Variants in MATN4 observed in about 807,000 individuals in gnomAD.
MATN4 encodes matrilin-4.
A neutral mutation model predicts 54.6 loss-of-function variants in MATN4; 40 were observed. The observed-to-expected ratio is 0.73, with a 90% CI of 0.57 to 0.95. The LOEUF (loss-of-function observed/expected upper bound fraction) is 0.95. Among genes scored for constraint, MATN4 ranks in the 40% least tolerant of loss-of-function variants. The pLI is 0.00. For synonymous variants in MATN4, 351 were observed against 345.3 expected (o/e 1.02, Z -0.18); for missense variants, 810 against 819.1 (o/e 0.99, Z 0.13).
At chr20:45,299,918 C>T (rs1403020873) in intron 6 of MATN4, among the ~76,000 whole-genome samples, 2 of 145,208 alleles carry the variant, frequency 1.4e-5, no homozygotes, top group South Asian at 2.2e-4. Flanking sequence ...GGGCTTGCTT[C>T]CTGTCTTCAC....
chr20:45,297,527 A>T (rs1457721591), intron 8 of MATN4, among the ~76,000 whole-genome samples: 1 of 152,136 alleles, frequency 6.6e-6, no homozygotes, highest in African/African-American at 2.4e-5. Context: ...AAGTTCAGGG[A>T]TATATGCTGT....
Position 45,298,603 on chromosome 20 carries a change from T to G in MATN4, c.1013-20A>C. On this transcript the variant is annotated intron_variant, in intron 6 of 9. Transcript: ENST00000372756. This position sits in a 1 kb window ranked among gnomAD's most constrained non-coding sequence, Gnocchi z 4.6. ...GGCACCCTGCACAGCCAGAAAAGCT[T>G]GAATTGAGGGACCAGATTCTGGACT... 6.6e-7 allele frequency: 1 copy of G among 1,515,226 alleles called. No homozygotes were observed. Among genetic ancestry groups the G allele is most frequent in the South Asian group, 1.3e-5 (1 of 75,694 alleles). The allele number at this position is 1,515,226 out of a possible 1,614,324, so 93.9% of individuals were successfully genotyped here.
Position 45,298,734 on chromosome 20 carries a change from T to C in MATN4, c.1013-151A>G. The C allele has an allele frequency of 1.7e-6, 1 of 583,066 alleles. No individual in the cohort carries two copies. The highest frequency in any genetic ancestry group is 2.9e-6 in the Non-Finnish European group (1 of 342,046). The allele number at this position is 583,066 out of a possible 1,614,324, so 36.1% of individuals were successfully genotyped here. ...TGCCAGGCAGTGTGCTAAGTAATAATAATTATCACCATCATCATCACCATC... is the reference window on the plus strand; with the variant it reads ...TGCCAGGCAGTGTGCTAAGTAATAACAATTATCACCATCATCATCACCATC... On this transcript the variant is annotated intron_variant, in intron 6 of 9. Transcript: ENST00000372756. The surrounding 1 kb of genome is among the most constrained non-coding windows in gnomAD (Gnocchi z 4.6).
chr20:45,300,984 G>C lies in MATN4; in HGVS notation c.915C>G (p.Asp305Glu), dbSNP rs573120267. The change falls in exon 6 of 10, where the codon GAC becomes GAG. Residue 305 changes from aspartate to glutamate, a missense_variant. By Grantham distance (45) the Asp-to-Glu change is conservative. Transcript: ENST00000372756. ...TCACACACTGGAACTCACAGCCATG[G>C]TCCACGCCATTGCAAAGGTCCCGGA... ...CQVRDLCNGV[D>E]HGCEFQCVSE... 1 of 1,614,086 alleles carries C rather than the reference G, an allele frequency of 6.2e-7. No homozygotes were observed. Among genetic ancestry groups the C allele is most frequent in the Non-Finnish European group, 8.5e-7 (1 of 1,179,978 alleles).
chr20:45,304,076 G>C (rs1055175611), intron 3 of MATN4, 152 bp downstream of exon 3: 38 of 579,730 alleles, frequency 6.6e-5, no homozygotes, highest in Non-Finnish European at 1.1e-5. Context: ...AGTGGTCAGA[G>C]CTGAAATCTG....
intron 3 of MATN4, chr20:45,303,501 C>T (rs567362856): frequency 4.3e-5 from 31 of 714,116 alleles, no homozygotes; most frequent in South Asian, 4.3e-4. Flanking sequence ...CCTCAGCACA[C>T]TGGTCCTTCC....
At chr20:45,308,433 T>C, upstream of MATN4, 1 of 586,848 alleles carries the variant, frequency 1.7e-6, no homozygotes, top group Non-Finnish European at 3.1e-6. Context: ...CAGCACCCCC[T>C]GCTCCTACCA....
At position 45,298,461 on chromosome 20, in the gene MATN4, G is replaced by A; in HGVS notation, c.1135C>T (p.Pro379Ser). 2 of 1,613,814 alleles carry A rather than the reference G, an allele frequency of 1.2e-6. No homozygotes were observed. The highest frequency in any genetic ancestry group is 1.7e-6 in the Non-Finnish European group (2 of 1,179,974). The change falls in exon 7 of 10, where the codon CCC becomes TCC. Residue 379 changes from proline (P) to serine (S), a missense_variant. Transcript: ENST00000372756. The surrounding 1 kb of genome is among the most constrained non-coding windows in gnomAD (Gnocchi z 4.6). ...NQIVDFLDVS[P>S]EGTRVGLVQF... is the part of the protein sequence containing the mutation. ...ACCAGCCCCACCCGCGTGCCCTCGG[G>A]GGACACATCTAGGAAGTCCACAATC...
intron 6 of MATN4, among the ~76,000 whole-genome samples, chr20:45,299,863 G>A (rs56365005): frequency 0.2 from 26,502 of 133,758 alleles, 2,816 homozygotes; most frequent in Non-Finnish European, 0.22. Flanking sequence ...GAGAAACAGA[G>A]GGAGACTTAG....
intron 8 of MATN4, 26 bp downstream of exon 8, chr20:45,297,892 A>G: frequency 1.2e-6 from 2 of 1,612,798 alleles, no homozygotes; most frequent in Non-Finnish European, 1.7e-6. Context: ...GAGAGAGAGG[A>G]GGAGCCCCGA....
chr20:45,304,853 G>T (rs1164063441), intron 2 of MATN4, 56 bp from the exon 3 acceptor site: 1 of 1,175,282 alleles, frequency 8.5e-7, no homozygotes, highest in Non-Finnish European at 1.2e-6. Flanking sequence ...CCTCCGAGGA[G>T]ACCCCCTAGG....
At position 45,293,745 on chromosome 20, in the gene MATN4, G is replaced by A. The variant is rs1408739919; in HGVS notation, c.*22C>T. ...CGTCCGTGGTGCCGCGCCCCAGCCC[G>A]GGTCTGGGCCGTCCGTGGCCCTCAC... is the stretch of plus-strand genomic sequence containing the variant. On this transcript the variant is annotated 3_prime_UTR_variant, in exon 10 of 10. Transcript: ENST00000372756. 3 of 1,590,656 alleles carry A rather than the reference G, an allele frequency of 1.9e-6. No individual in the cohort carries two copies. The highest frequency in any genetic ancestry group is 1.3e-5 in the African/African-American group (1 of 74,286).
intron 8 of MATN4, among the ~76,000 whole-genome samples, chr20:45,296,937 C>T (rs1985876219): frequency 6.6e-6 from 1 of 151,846 alleles, no homozygotes; most frequent in South Asian, 2.1e-4. Flanking sequence ...CTCACTGCAA[C>T]CTCCACCTCC....
In MATN4 at chr20:45,301,183, C is replaced by T; in HGVS notation, c.808G>A (p.Glu270Lys). 1 of 1,614,192 alleles carries T rather than the reference C, an allele frequency of 6.2e-7. No homozygotes were observed. Among genetic ancestry groups the T allele is most frequent in the Non-Finnish European group, 8.5e-7 (1 of 1,180,036 alleles). ...GGCCCACCAGGGGTGCTAACACACT[C>T]ATGCTGACAGCTATGGTTCCCAAAG... ...CSFGNHSCQH[E>K]CVSTPGGPRC... Residue 270 changes from glutamate to lysine, a missense_variant, in exon 5 of 10, where the codon GAG (glutamate) becomes AAG (lysine). Coordinates refer to ENST00000372756, the MANE Select transcript of MATN4 (RefSeq NM_001393530.1).
At chr20:45,294,083 G>T in intron 8 of MATN4, 68 bp from the exon 9 acceptor site, 1 of 1,232,668 alleles carries the variant, frequency 8.1e-7, no homozygotes, top group Non-Finnish European at 1.2e-6. Context: ...TGATTTCCCT[G>T]CACTGGGCCT....
chr20:45,301,251 T>A, intron 4 of MATN4, 27 bp from the exon 5 acceptor site: 1 of 1,613,520 alleles, frequency 6.2e-7, no homozygotes. Context: ...AACAGCAAGA[T>A]GTTGCCTCTG....
intron 3 of MATN4, among the ~76,000 whole-genome samples, chr20:45,302,187 G>A (rs190821648): frequency 1.3e-5 from 2 of 152,278 alleles, no homozygotes; most frequent in South Asian, 2.1e-4. Flanking sequence ...GAGGCTCACA[G>A]CAAGAGGTGA....
chr20:45,293,538 C>G lies in MATN4; in HGVS notation c.*229G>C. On this transcript the variant is annotated 3_prime_UTR_variant, in exon 10 of 10. Transcript: ENST00000372756. ...CAGCACGCGGCGAGGGCGTGCCGGT[C>G]TAGCACGTGCCCCTTCCCTCACCAC... 2 of 515,512 alleles carry G rather than the reference C, an allele frequency of 3.9e-6. No homozygotes were observed. Among genetic ancestry groups the G allele is most frequent in the East Asian group, 6.8e-5 (2 of 29,572 alleles). 31.9% of individuals were successfully genotyped at this position (515,512 alleles called of 1,614,324 possible).
In MATN4 at chr20:45,304,176, C is replaced by T. The variant is rs2233095; in HGVS notation, c.643+52G>A. On this transcript the variant is annotated intron_variant, in intron 3 of 9. Transcript: ENST00000372756. ...GATTTACTGTGGTGGGAAAGGAATC[C>T]AAGCATTTGGATTGAGAGTTCGAGC... 3.0e-3 allele frequency: 4,283 copies of T among 1,404,372 alleles called. 119 individuals carry two copies. The African/African-American group carries it at 0.056, about 18-fold the overall frequency. The allele number at this position is 1,404,372 out of a possible 1,614,324, so 87.0% of individuals were successfully genotyped here.
Sources: allele counts gnomAD v4.1 joint callset (sites outside exome capture counted in the v4.1 genomes callset), GRCh38; gene constraint gnomAD v4.1.1; non-coding constraint Gnocchi (gnomAD v3.1); transcripts MANE v1.5; gene names NCBI Gene and HGNC (gene_info 2026-07-23, HGNC 2026-07-21).